The following PAIP2B variants were observed in gnomAD, a reference collection of about 807,000 sequenced individuals.
PAIP2B encodes polyadenylate-binding protein-interacting protein 2B.
Under a neutral mutation model 17.0 loss-of-function variants are expected in PAIP2B, and 13 were observed. The ratio of observed to expected loss-of-function variants is 0.76; its 90% CI spans 0.50 to 1.22. PAIP2B has a LOEUF of 1.22. Among genes scored for constraint, PAIP2B ranks in the 50% most tolerant of loss-of-function variants. PAIP2B has a pLI of 0.00. For missense variants in PAIP2B, 117 were observed against 144.5 expected (o/e 0.81, Z 0.98); for synonymous variants, 43 against 48.7 (o/e 0.88, Z 0.48).
chr2:71,211,704 T>G (rs1284507619), intron 1 of PAIP2B, among the ~76,000 whole-genome samples: 1 of 152,202 alleles, frequency 6.6e-6, no homozygotes, highest in African/African-American at 2.4e-5. Context: ...TTGTTACCTT[T>G]ATTACATATA....
At chr2:71,220,798 T>A (rs1388322993) in intron 1 of PAIP2B, among the ~76,000 whole-genome samples, 1 of 152,204 alleles carries the variant, frequency 6.6e-6, no homozygotes, top group African/African-American at 2.4e-5. Context: ...CCAGCTTCAT[T>A]TGAGAAATCT....
At chr2:71,195,836 C>T (rs1013806375) in intron 2 of PAIP2B, among the ~76,000 whole-genome samples, 1 of 151,990 alleles carries the variant, frequency 6.6e-6, no homozygotes, top group African/African-American at 2.4e-5. Context: ...TGGGTTTCAC[C>T]ATGTTGGCCA....
chr2:71,216,854 C>T (rs1457273419), intron 1 of PAIP2B, among the ~76,000 whole-genome samples: 1 of 152,178 alleles, frequency 6.6e-6, no homozygotes, highest in African/African-American at 2.4e-5. Flanking sequence ...ACATATATCT[C>T]CTTTCTACTC....
At chr2:71,223,125 G>C (rs991582892) in intron 1 of PAIP2B, among the ~76,000 whole-genome samples, 1 of 152,182 alleles carries the variant, frequency 6.6e-6, no homozygotes, top group African/African-American at 2.4e-5. Context: ...TTAAAGCAGA[G>C]TTTGAGGCTG....
intron 2 of PAIP2B, among the ~76,000 whole-genome samples, chr2:71,192,342 G>C (rs544053054): frequency 2.7e-5 from 4 of 150,872 alleles, no homozygotes; most frequent in African/African-American, 9.7e-5. Context: ...TTTATCAACA[G>C]CATGTGCTCA....
At chr2:71,201,013 GT>G (rs374007263) in intron 2 of PAIP2B, among the ~76,000 whole-genome samples, 104,167 of 142,210 alleles carry the variant, frequency 0.73, 36,826 homozygotes, top group East Asian at 0.99. Flanking sequence ...GTGTGGGTGT[GT>G]GTGTGTGTGT....
At chr2:71,192,352 A>T (rs777769697) in intron 2 of PAIP2B, among the ~76,000 whole-genome samples, 9 of 151,522 alleles carry the variant, frequency 5.9e-5, no homozygotes, top group Non-Finnish European at 1.3e-4. Flanking sequence ...GCATGTGCTC[A>T]ATGTCTGTGT....
intron 1 of PAIP2B, among the ~76,000 whole-genome samples, chr2:71,219,332 CTT>C (rs2103824281): frequency 6.6e-6 from 1 of 151,978 alleles, no homozygotes; most frequent in African/African-American, 2.4e-5. Flanking sequence ...CATTTCTTTT[CTT>C]TTTCTTATTT....
rs1203311978 is a variant in PAIP2B at position 71,183,648 on chromosome 2, A to C, written c.*4831T>G. 1 of 152,056 alleles carries C rather than the reference A, an allele frequency of 6.6e-6. No individual in the cohort carries two copies. Among genetic ancestry groups the C allele is most frequent in the African/African-American group, 2.4e-5 (1 of 41,394 alleles). 9.4% of individuals were successfully genotyped at this position (152,056 alleles called of 1,614,324 possible). A position where few individuals can be genotyped will look rare whatever the true frequency, so the allele number is the denominator to read the frequency against. On this transcript the variant is annotated 3_prime_UTR_variant, in exon 4 of 4. Coordinates refer to ENST00000244221, the MANE Select transcript of PAIP2B (RefSeq NM_020459.1). Reference sequence around the variant, plus strand: ...GTTATCTGTCATGGACAAACCTCAAAAACATTAGCTAAGTAAAAAAGCCAG... The same window carrying C: ...GTTATCTGTCATGGACAAACCTCAACAACATTAGCTAAGTAAAAAAGCCAG...
At position 71,188,347 on chromosome 2, in the gene PAIP2B, A is replaced by G. The variant is rs1056677345; in HGVS notation, c.*132T>C. On this transcript the variant is annotated 3_prime_UTR_variant, in exon 4 of 4. Transcript: ENST00000244221. ...CATATTAGTTACTCAGAGTCACAGT[A>G]TTGTGAGACCACCACTCCCCTTCCC... is the stretch of plus-strand genomic sequence containing the variant. The G allele has an allele frequency of 1.3e-5, 9 of 694,880 alleles. No individual in the cohort carries two copies. In the African/African-American group the frequency reaches 1.4e-4, roughly 11 times the overall value. The allele number at this position is 694,880 out of a possible 1,614,324, so 43.0% of individuals were successfully genotyped here.
At chr2:71,225,363 T>C (rs1258180487) in intron 1 of PAIP2B, among the ~76,000 whole-genome samples, 1 of 152,148 alleles carries the variant, frequency 6.6e-6, no homozygotes, top group African/African-American at 2.4e-5. Context: ...ACAAACAGGA[T>C]AAAGAAAGCA....
chr2:71,220,144 C>T (rs976312270), intron 1 of PAIP2B, among the ~76,000 whole-genome samples: 1 of 152,212 alleles, frequency 6.6e-6, no homozygotes, highest in South Asian at 2.1e-4. Context: ...ACCACCTACA[C>T]ACACCAAATT....
At chr2:71,193,198 T>C (rs1461203614) in intron 2 of PAIP2B, among the ~76,000 whole-genome samples, 2 of 152,338 alleles carry the variant, frequency 1.3e-5, no homozygotes, top group Admixed American at 6.5e-5. Context: ...ATCAGTGATA[T>C]TGAGCTTTTT....
chr2:71,188,921 C>A (rs762601211), intron 3 of PAIP2B, among the ~76,000 whole-genome samples: 1 of 151,812 alleles, frequency 6.6e-6, no homozygotes, highest in Admixed American at 6.6e-5. Flanking sequence ...TCTCTACTCT[C>A]TTGTGAATAT....
At chr2:71,202,301 G>T in intron 2 of PAIP2B, 151 bp downstream of exon 2, 2 of 875,618 alleles carry the variant, frequency 2.3e-6, no homozygotes, top group Non-Finnish European at 3.4e-6. Flanking sequence ...ATGTTTCTTG[G>T]TCATTCCAGA....
At position 71,227,066 on chromosome 2, in the gene PAIP2B, GCCACTA is replaced by G. The variant is rs1675753926; in HGVS notation, c.-156_-151del. The G allele has an allele frequency of 1.3e-5, 2 of 153,054 alleles. No homozygotes were observed. The highest frequency in any genetic ancestry group is 4.8e-5 in the African/African-American group (2 of 41,410). The allele number at this position is 153,054 out of a possible 1,614,324, so 9.5% of individuals were successfully genotyped here. ...ACGTGAAGCACAGCACCCGAGAAGC[GCCACTA>G]CCACTTGCCAGGTTATCTCTTACTG... On this transcript the variant is annotated 5_prime_UTR_variant, in exon 1 of 4. Coordinates refer to ENST00000244221, the MANE Select transcript of PAIP2B (RefSeq NM_020459.1).
In PAIP2B at chr2:71,200,287, TAAAA is replaced by T. The variant is rs140802560; in HGVS notation, c.138+2161_138+2164del. On this transcript the variant is annotated intron_variant, in intron 2 of 3. Coordinates refer to ENST00000244221, the MANE Select transcript of PAIP2B (RefSeq NM_020459.1). ...GTAATGGAATGGGGGTTGGCAGTGG[TAAAA>T]ACTGTACAGCACACCATAGTGTAAC... Among the ~76,000 whole-genome samples the T allele has an allele frequency of 1.3e-4, 20 of 152,236 alleles. 1 individual carries two copies. In the East Asian group the frequency reaches 3.9e-3, roughly 29 times the overall value.
chr2:71,191,297 C>T lies in PAIP2B; in HGVS notation c.139-1276G>A, dbSNP rs182045724. Among the ~76,000 whole-genome samples, 83 of 152,306 alleles carry T rather than the reference C, an allele frequency of 5.4e-4. 1 individual carries two copies. Among genetic ancestry groups the T allele is most frequent in the African/African-American group, 1.5e-3 (64 of 41,556 alleles). ...TATTTGAACACTACAATTAGCCACA[C>T]GTGAAAACTAGACAGTTATGAAGTG... On this transcript the variant is annotated intron_variant, in intron 2 of 3. Transcript: ENST00000244221.
intron 2 of PAIP2B, among the ~76,000 whole-genome samples, chr2:71,191,320 G>A (rs1447875183): frequency 6.6e-6 from 1 of 152,134 alleles, no homozygotes; most frequent in Non-Finnish European, 1.5e-5. Flanking sequence ...CAGTTATGAA[G>A]TGCTTAATAA....
Sources: allele counts gnomAD v4.1 joint callset (sites outside exome capture counted in the v4.1 genomes callset), GRCh38; gene constraint gnomAD v4.1.1; transcripts MANE v1.5; gene names NCBI Gene and HGNC (gene_info 2026-07-23, HGNC 2026-07-21).